The following TMEM181 variants were observed in gnomAD, a reference collection of about 807,000 sequenced individuals.
The protein encoded by TMEM181 is G protein-coupled receptor 178.
Under a neutral mutation model 71.9 loss-of-function variants are expected in TMEM181, and 39 were observed. That is an observed-to-expected ratio of 0.54 (90% CI 0.42 to 0.71). The LOEUF (loss-of-function observed/expected upper bound fraction) is 0.71, where lower values mean the gene tolerates loss of function less well. Among genes scored for constraint, TMEM181 ranks in the 30% least tolerant of loss-of-function variants. TMEM181 has a pLI of 0.00. For missense variants in TMEM181, 595 were observed against 583.0 expected (o/e 1.02, Z -0.21); for synonymous variants, 245 against 228.8 (o/e 1.07, Z -0.64).
chr6:158,560,826 TTC>T (rs1231478046), intron 1 of TMEM181, among the ~76,000 whole-genome samples: 3 of 151,942 alleles, frequency 2.0e-5, no homozygotes, highest in Non-Finnish European at 4.4e-5. Flanking sequence ...TTTTTTTTTT[TTC>T]TTTACCTCTT....
intron 6 of TMEM181, among the ~76,000 whole-genome samples, chr6:158,590,726 T>A (rs1248013513): frequency 6.6e-6 from 1 of 152,242 alleles, no homozygotes; most frequent in African/African-American, 2.4e-5. Flanking sequence ...CCTCCCAAAG[T>A]GCTGGGATTG....
intron 6 of TMEM181, among the ~76,000 whole-genome samples, chr6:158,595,164 G>A (rs1325205808): frequency 3.9e-5 from 6 of 152,150 alleles, no homozygotes; most frequent in East Asian, 1.9e-4. Context: ...TAACATCCTG[G>A]TATGGATTTC....
At chr6:158,541,898 CTTTTTT>C (rs10583860) in intron 1 of TMEM181, among the ~76,000 whole-genome samples, 1 of 66,624 alleles carries the variant, frequency 1.5e-5, no homozygotes, top group Non-Finnish European at 2.7e-5. Context: ...GGGATTTTAT[CTTTTTT>C]TTTTTTTTTT....
intron 5 of TMEM181, among the ~76,000 whole-genome samples, chr6:158,589,035 A>G (rs1470103354): frequency 1.3e-5 from 2 of 152,216 alleles, no homozygotes; most frequent in African/African-American, 4.8e-5. Context: ...GGAAGGGGAT[A>G]ACAAAGCAGA....
intron 14 of TMEM181, 90 bp from the exon 15 acceptor site, chr6:158,629,640 G>T: frequency 1.8e-6 from 2 of 1,130,534 alleles, no homozygotes; most frequent in South Asian, 3.0e-5. Context: ...ACTAGAAGGG[G>T]CTGCTGATGG....
chr6:158,587,901 G>T (rs536789776), intron 5 of TMEM181, among the ~76,000 whole-genome samples: 7 of 152,274 alleles, frequency 4.6e-5, no homozygotes, highest in African/African-American at 1.7e-4. Flanking sequence ...ACTCGCAAGA[G>T]ATGTTTGTCT....
intron 10 of TMEM181, chr6:158,610,264 C>G: frequency 3.7e-6 from 1 of 271,654 alleles, no homozygotes; most frequent in Non-Finnish European, 7.7e-6. Flanking sequence ...TCTTTCCTGA[C>G]TCTTATTGTA....
chr6:158,565,533 C>T lies in TMEM181; in HGVS notation c.8+5301C>T, dbSNP rs542474203. Reference sequence around the variant, plus strand: ...AGCCACAGACAGCAGGAAGAGACAACGCTGGGGGGAGAAAGTTCAATGTTG... The same window carrying T: ...AGCCACAGACAGCAGGAAGAGACAATGCTGGGGGGAGAAAGTTCAATGTTG... On this transcript the variant is annotated intron_variant, in intron 1 of 16. Transcript: ENST00000684151. 2.6e-5 allele frequency among the ~76,000 whole-genome samples: 4 copies of T among 152,282 alleles called. No individual in the cohort carries two copies. The South Asian group carries it at 6.2e-4, about 24-fold the overall frequency.
rs1316132642 is a variant in TMEM181, at chr6:158,580,962, T to G, written c.135T>G (p.Ser45=). 14 of 1,609,698 alleles carry G rather than the reference T, an allele frequency of 8.7e-6. No homozygotes were observed. The part of the protein sequence containing the change: ...GIRGPKVIQT[S]AANFSLNNSK... ...TAGGACCTAAAGTGATCCAGACTTC[T>G]GCGGCTAATTTTTCACTAAATAATA... The change falls in exon 3 of 17, where the codon TCT becomes TCG. Residue 45 remains serine, a synonymous_variant. Transcript: ENST00000684151.
intron 10 of TMEM181, among the ~76,000 whole-genome samples, chr6:158,616,021 A>G (rs931159396): frequency 1.1e-4 from 17 of 152,206 alleles, no homozygotes; most frequent in African/African-American, 3.4e-4. Flanking sequence ...TTCTGTGAAG[A>G]AAGTCCTTGG....
At chr6:158,595,065 T>C (rs1489214654) in intron 6 of TMEM181, among the ~76,000 whole-genome samples, 1 of 152,176 alleles carries the variant, frequency 6.6e-6, no homozygotes, top group Non-Finnish European at 1.5e-5. Context: ...TCTTAGAGAG[T>C]GAAAGCCATG....
chr6:158,604,724 C>A (rs1031823045), intron 6 of TMEM181, among the ~76,000 whole-genome samples: 8 of 152,122 alleles, frequency 5.3e-5, no homozygotes, highest in African/African-American at 1.4e-4. Flanking sequence ...TTAAAACTTT[C>A]TTTTGATGGA....
At chr6:158,609,895 T>C (rs1415661553) in intron 10 of TMEM181, 2 of 235,276 alleles carry the variant, frequency 8.5e-6, no homozygotes, top group Non-Finnish European at 1.9e-5. Context: ...TTCTCTCCAG[T>C]GGGATCTGCC....
chr6:158,545,423 A>G (rs1165888736), intron 1 of TMEM181, among the ~76,000 whole-genome samples: 1 of 152,252 alleles, frequency 6.6e-6, no homozygotes, highest in Non-Finnish European at 1.5e-5. Context: ...TTGTTTTGCT[A>G]CATAGGAAGC....
intron 10 of TMEM181, among the ~76,000 whole-genome samples, chr6:158,619,001 G>A (rs1583044628): frequency 1.3e-5 from 2 of 152,112 alleles, no homozygotes; most frequent in Admixed American, 6.6e-5. Context: ...TATCTTTGTG[G>A]CGTTCTCTGT....
intron 13 of TMEM181, among the ~76,000 whole-genome samples, chr6:158,626,206 G>C (rs139210775): frequency 2.6e-5 from 4 of 152,334 alleles, no homozygotes; most frequent in African/African-American, 9.6e-5. Context: ...TTGTGTCAGG[G>C]AGTGGCGTCA....
chr6:158,561,504 A>G (rs1241823255), intron 1 of TMEM181, among the ~76,000 whole-genome samples: 2 of 152,152 alleles, frequency 1.3e-5, no homozygotes, highest in Non-Finnish European at 1.5e-5. Context: ...TGCGTGTTAC[A>G]GGAGTTCTCT....
intron 6 of TMEM181, among the ~76,000 whole-genome samples, chr6:158,604,779 G>T (rs1784854190): frequency 6.6e-6 from 1 of 152,120 alleles, no homozygotes; most frequent in African/African-American, 2.4e-5. Flanking sequence ...CTTGATTTTT[G>T]ATGTGAGATA....
chr6:158,623,691 GT>G, intron 11 of TMEM181, 84 bp downstream of exon 11: 1 of 1,029,024 alleles, frequency 9.7e-7, no homozygotes, highest in African/African-American at 1.6e-5. Context: ...AAATTGTTCT[GT>G]TGAGCTTTTT....
Sources: allele counts gnomAD v4.1 joint callset (sites outside exome capture counted in the v4.1 genomes callset), GRCh38; gene constraint gnomAD v4.1.1; transcripts MANE v1.5; gene names NCBI Gene and HGNC (gene_info 2026-07-23, HGNC 2026-07-21).